Variants in TDRD7 observed in about 807,000 individuals in gnomAD.
TDRD7 encodes tudor domain-containing protein 7.
A neutral mutation model predicts 109.8 loss-of-function variants in TDRD7; 47 were observed. The observed-to-expected ratio is 0.43, with a 90% CI of 0.34 to 0.55. TDRD7 has a LOEUF of 0.55. TDRD7 is among the 20% of genes least tolerant of loss of function. The probability of loss-of-function intolerance (pLI) is 0.03; values close to 1 mark genes in which losing one functional copy is unlikely to be tolerated. For synonymous variants in TDRD7, 424 were observed against 457.3 expected (o/e 0.93, Z 0.93); for missense variants, 1,164 against 1,319.2 (o/e 0.88, Z 1.82).
At chr9:97,451,710 C>T (rs1275308478) in intron 6 of TDRD7, among the ~76,000 whole-genome samples, 1 of 152,222 alleles carries the variant, frequency 6.6e-6, no homozygotes, top group Non-Finnish European at 1.5e-5. Context: ...TCAGAAGTTC[C>T]AGAGCCGCAG....
rs193065568 is a variant in TDRD7, at chr9:97,481,944, C to T, written c.2413-905C>T. Among the ~76,000 whole-genome samples, 38 of 152,256 alleles carry T rather than the reference C, an allele frequency of 2.5e-4. No individual in the cohort carries two copies. The East Asian group carries it at 4.8e-3, about 19-fold the overall frequency. On this transcript the variant is annotated intron_variant, in intron 14 of 16. Transcript: ENST00000355295. Reference sequence around the variant, plus strand: ...TAGATGGGTTGCCTTGCTGTTATCTCCCTCTCCGCAGACCTGTGTTCCTGC... The same window carrying T: ...TAGATGGGTTGCCTTGCTGTTATCTTCCTCTCCGCAGACCTGTGTTCCTGC...
At chr9:97,484,741 G>A (rs900695688) in intron 15 of TDRD7, among the ~76,000 whole-genome samples, 1 of 152,174 alleles carries the variant, frequency 6.6e-6, no homozygotes, top group African/African-American at 2.4e-5. Context: ...AGCATAAATA[G>A]GTTTAATTCA....
At position 97,475,472 on chromosome 9, in the gene TDRD7, A is replaced by T. The variant is rs936105403; in HGVS notation, c.2166+3A>T. Reference sequence around the variant, plus strand: ...AAGGAAAATGGTTACGAGTAGAGGTAAAAATCAGTCACTTGGCTTTTTAAT... The same window carrying T: ...AAGGAAAATGGTTACGAGTAGAGGTTAAAATCAGTCACTTGGCTTTTTAAT... On this transcript the variant is annotated splice_donor_region_variant and intron_variant, in intron 12 of 16. Transcript: ENST00000355295. The T allele has an allele frequency of 6.2e-7, 1 of 1,603,930 alleles. No homozygotes were observed. Among genetic ancestry groups the T allele is most frequent in the Non-Finnish European group, 8.5e-7 (1 of 1,171,268 alleles).
chr9:97,478,524 G>C lies in TDRD7; in HGVS notation c.2252G>C (p.Arg751Thr). The C allele has an allele frequency of 6.2e-7, 1 of 1,614,034 alleles. No homozygotes were observed. The highest frequency in any genetic ancestry group is 8.5e-7 in the Non-Finnish European group (1 of 1,179,972). ...TVTSVKVSEL[R>T]EIPPRFLQEM... Reference sequence around the variant, plus strand: ...ACATCTGTAAAAGTGTCAGAGCTCAGGGAAATTCCACCTCGGTTTCTACAA... The same window carrying C: ...ACATCTGTAAAAGTGTCAGAGCTCACGGAAATTCCACCTCGGTTTCTACAA... Residue 751 changes from arginine (R) to threonine (T), a missense_variant, in exon 13 of 17, where the codon AGG becomes ACG. This residue lies in a region of TDRD7 where 233 missense variants were observed against 218.0 expected (regional missense o/e 1.07). Transcript: ENST00000355295.
intron 6 of TDRD7, among the ~76,000 whole-genome samples, chr9:97,455,316 C>G (rs540327948): frequency 5.5e-4 from 84 of 152,310 alleles, no homozygotes; most frequent in Middle Eastern, 3.4e-3. Flanking sequence ...TTTGCCCTAA[C>G]TCATTTTATG....
At chr9:97,429,780 A>G (rs559054515) in intron 2 of TDRD7, among the ~76,000 whole-genome samples, 32 of 152,240 alleles carry the variant, frequency 2.1e-4, no homozygotes, top group African/African-American at 7.2e-4. Flanking sequence ...TTTTTCCTCC[A>G]TAAGTTTATT....
chr9:97,474,915 C>T (rs1419557713), intron 11 of TDRD7, among the ~76,000 whole-genome samples: 2 of 152,132 alleles, frequency 1.3e-5, no homozygotes, highest in African/African-American at 4.8e-5. Flanking sequence ...ATTTAACTGG[C>T]ACTGACATAC....
At chr9:97,415,574 C>A (rs1827797900) in intron 1 of TDRD7, among the ~76,000 whole-genome samples, 1 of 152,114 alleles carries the variant, frequency 6.6e-6, no homozygotes, top group Non-Finnish European at 1.5e-5. Context: ...TCCCCAACTC[C>A]CCACCCCACC....
chr9:97,468,559 A>G (rs1828857378), intron 8 of TDRD7, among the ~76,000 whole-genome samples: 1 of 152,218 alleles, frequency 6.6e-6, no homozygotes, highest in South Asian at 2.1e-4. Flanking sequence ...CTTTATTTGG[A>G]GAAACCCCAG....
At chr9:97,421,869 C>T (rs888852419) in intron 1 of TDRD7, among the ~76,000 whole-genome samples, 2 of 151,962 alleles carry the variant, frequency 1.3e-5, no homozygotes, top group Non-Finnish European at 2.9e-5. Context: ...CCAATTTTTT[C>T]TTCTATGGTT....
rs1828320781 is a variant in TDRD7 at position 97,442,323 on chromosome 9, GTTC to G, written c.855+451_855+453del. On this transcript the variant is annotated intron_variant, in intron 6 of 16. Coordinates refer to ENST00000355295, the MANE Select transcript of TDRD7 (RefSeq NM_014290.3). The stretch of plus-strand genomic sequence containing the variant: ...TAGTTATTTTGACTAATTATATAGA[GTTC>G]TTAATTTTTATTTTGAAATTAATAA... Among the ~76,000 whole-genome samples, 3 of 151,896 alleles carry G rather than the reference GTTC, an allele frequency of 2.0e-5. No individual in the cohort carries two copies. In the South Asian group the frequency reaches 6.2e-4, roughly 32 times the overall value.
chr9:97,425,287 C>A (rs1323185000), intron 1 of TDRD7, among the ~76,000 whole-genome samples: 1 of 152,132 alleles, frequency 6.6e-6, no homozygotes, highest in Non-Finnish European at 1.5e-5. Flanking sequence ...GTGCCAATAA[C>A]AATGTTTTGG....
rs1171377300 is a variant in TDRD7 at position 97,459,216 on chromosome 9, C to T, written c.856-962C>T. Among the ~76,000 whole-genome samples, 8 of 152,178 alleles carry T rather than the reference C, an allele frequency of 5.3e-5. No homozygotes were observed. The East Asian group carries it at 1.5e-3, about 29-fold the overall frequency. On this transcript the variant is annotated intron_variant, in intron 6 of 16. Coordinates refer to ENST00000355295, the MANE Select transcript of TDRD7 (RefSeq NM_014290.3). Reference sequence around the variant, plus strand: ...ACAGATGCAGTCCATCACAGTTATTCAACTGTGTCACTGTAGAGCAAAAGC... The same window carrying T: ...ACAGATGCAGTCCATCACAGTTATTTAACTGTGTCACTGTAGAGCAAAAGC...
At position 97,482,893 on chromosome 9, in the gene TDRD7, A is replaced by T; in HGVS notation, c.2457A>T (p.Leu819Phe). 6.2e-7 allele frequency: 1 copy of T among 1,614,134 alleles called. No individual in the cohort carries two copies. The highest frequency in any genetic ancestry group is 8.5e-7 in the Non-Finnish European group (1 of 1,179,992). ...CCAGAGGGATCGCACATGTTTATTTATTTACCCCTAAGAACTTCCCTGACC... is the reference window on the plus strand; with the variant it reads ...CCAGAGGGATCGCACATGTTTATTTTTTTACCCCTAAGAACTTCCCTGACC... ...DETRGIAHVY[L>F]FTPKNFPDPH... The change falls in exon 15 of 17, where the codon TTA becomes TTT. Residue 819 changes from leucine (L) to phenylalanine (F), a missense_variant. Leu to Phe is a conservative substitution (Grantham distance 22). Coordinates refer to ENST00000355295, the MANE Select transcript of TDRD7 (RefSeq NM_014290.3).
intron 11 of TDRD7, 35 bp downstream of exon 11, chr9:97,473,661 C>G (rs756375193): frequency 2.5e-6 from 4 of 1,612,582 alleles, no homozygotes; most frequent in Non-Finnish European, 2.5e-6. Flanking sequence ...TAAAATTAGC[C>G]CTAAAATTAC....
At chr9:97,486,168 C>T (rs1829209066) in intron 15 of TDRD7, among the ~76,000 whole-genome samples, 1 of 152,162 alleles carries the variant, frequency 6.6e-6, no homozygotes, top group South Asian at 2.1e-4. Flanking sequence ...CAGAGAATGA[C>T]TGACCATGCC....
chr9:97,460,691 T>C lies in TDRD7; in HGVS notation c.1369T>C (p.Leu457=). Residue 457 remains leucine, a synonymous_variant, in exon 7 of 17, where the codon TTA becomes CTA. Transcript: ENST00000355295. The part of the protein sequence containing the change: ...TFMEDITVPP[L]MIPTEASPSV... ...TATGGAGGACATAACAGTTCCTCCT[T>C]TAATGATTCCAACTGAAGCATCACC... The C allele has an allele frequency of 1.2e-6, 2 of 1,614,186 alleles. No individual in the cohort carries two copies. The highest frequency in any genetic ancestry group is 1.7e-6 in the Non-Finnish European group (2 of 1,180,034).
At chr9:97,468,125 T>A (rs1828848977) in intron 8 of TDRD7, among the ~76,000 whole-genome samples, 1 of 152,162 alleles carries the variant, frequency 6.6e-6, no homozygotes, top group Non-Finnish European at 1.5e-5. Flanking sequence ...CAGGGAGCAG[T>A]TAGGACTGGA....
chr9:97,463,529 G>C (rs985018402), intron 7 of TDRD7, among the ~76,000 whole-genome samples: 6 of 152,076 alleles, frequency 3.9e-5, no homozygotes, highest in African/African-American at 1.4e-4. Context: ...GTGAAACCTG[G>C]AACAATACAA....
Sources: allele counts gnomAD v4.1 joint callset (sites outside exome capture counted in the v4.1 genomes callset), GRCh38; gene constraint gnomAD v4.1.1; regional missense constraint gnomAD v4.1.1; transcripts MANE v1.5; gene names NCBI Gene and HGNC (gene_info 2026-07-23, HGNC 2026-07-21).